Variants in MARK2 observed in about 807,000 individuals in gnomAD.
The protein encoded by MARK2 is serine/threonine-protein kinase MARK2.
MARK2 carries 16 observed loss-of-function variants against 89.8 expected under a neutral mutation model. The observed-to-expected ratio is 0.18, with a 90% CI of 0.12 to 0.27. The LOEUF is 0.27. Ranked by LOEUF, MARK2 falls within the 10% of genes least tolerant of loss-of-function variation. MARK2 has a pLI of 1.00. For missense variants in MARK2, 621 were observed against 1,049.9 expected, an observed-to-expected ratio of 0.59 and a Z score of 5.65; for synonymous variants, 382 against 399.5, an observed-to-expected ratio of 0.96 and a Z score of 0.52.
At chr11:63,886,455 C>CA (rs1939403260) in intron 1 of MARK2, among the ~76,000 whole-genome samples, 1 of 150,588 alleles carries the variant, frequency 6.6e-6, no homozygotes, top group South Asian at 2.1e-4. Context: ...GACAGAGTCT[C>CA]ACTCTGTTGC....
At chr11:63,890,287 G>C (rs1286484050) in intron 1 of MARK2, 3 of 1,344,590 alleles carry the variant, frequency 2.2e-6, no homozygotes, top group Non-Finnish European at 2.9e-6. Flanking sequence ...TAGAAGAAGG[G>C]GTGCAGGGGT....
At position 63,904,840 on chromosome 11, in the gene MARK2, C is replaced by T; in HGVS notation, c.1731C>T (p.Ser577=). ...VASPSAHNIS[S]SGGAPDRTNF... Reference sequence around the variant, plus strand: ...CCCCATCCGCCCACAACATCAGCAGCAGTGGTGGAGCCCCAGACCGAACTA... The same window carrying T: ...CCCCATCCGCCCACAACATCAGCAGTAGTGGTGGAGCCCCAGACCGAACTA... The change falls in exon 16 of 19, where the codon AGC becomes AGT. Residue 577 remains serine (S), a synonymous_variant. Transcript: ENST00000402010. The surrounding 1 kb of genome is among the most constrained non-coding windows in gnomAD (Gnocchi z 6.3). 1.2e-6 allele frequency: 2 copies of T among 1,614,148 alleles called. No homozygotes were observed. Among genetic ancestry groups the T allele is most frequent in the South Asian group, 1.1e-5 (1 of 91,088 alleles).
Position 63,900,125 on chromosome 11 carries a change from A to G in MARK2, c.768+15A>G, listed in dbSNP as rs1490515806. The G allele has an allele frequency of 1.9e-6, 3 of 1,577,046 alleles. No individual in the cohort carries two copies. In the South Asian group the frequency reaches 3.3e-5, roughly 17 times the overall value. ...AGAACCTCAAGGTGGAGTGAAGTGC[A>G]AGCTTTTTATTGCTTCTCATTTCCT... On this transcript the variant is annotated intron_variant, in intron 8 of 18. Transcript: ENST00000402010. The surrounding 1 kb of genome is among the most constrained non-coding windows in gnomAD (Gnocchi z 4.7).
At chr11:63,859,106 C>T (rs1465744285) in intron 1 of MARK2, among the ~76,000 whole-genome samples, 3 of 151,420 alleles carry the variant, frequency 2.0e-5, no homozygotes, top group Admixed American at 6.6e-5. Flanking sequence ...TATATGTTGG[C>T]TATTGGTCAG....
chr11:63,861,769 C>T (rs376383352), intron 1 of MARK2, among the ~76,000 whole-genome samples: 6 of 131,590 alleles, frequency 4.6e-5, no homozygotes, highest in Non-Finnish European at 7.9e-5. Flanking sequence ...GAGACAGAGT[C>T]TCGCTCTTGT....
rs925531904 is a variant in MARK2, at chr11:63,839,375, C to T, written c.-132C>T. On this transcript the variant is annotated 5_prime_UTR_variant, in exon 1 of 19. Transcript: ENST00000402010. ...GCTGGCGTGAGCGGCTGCCCGGCCT[C>T]CCCGCACCCCCGGCCGGGGCCCATG... 3.5e-6 allele frequency: 2 copies of T among 578,536 alleles called. No individual in the cohort carries two copies. Among genetic ancestry groups the T allele is most frequent in the African/African-American group, 4.0e-5 (2 of 49,788 alleles). The allele number at this position is 578,536 out of a possible 1,614,324, so 35.8% of individuals were successfully genotyped here. A position where few individuals can be genotyped will look rare whatever the true frequency, so the allele number is the denominator to read the frequency against.
chr11:63,843,127 G>T lies in MARK2; in HGVS notation c.54+3567G>T, dbSNP rs566109372. Among the ~76,000 whole-genome samples the T allele has an allele frequency of 5.9e-5, 9 of 152,290 alleles. No homozygotes were observed. The East Asian group carries it at 1.7e-3, about 29-fold the overall frequency. ...TGCAGAAGGAGGGTTCTAATCTGGG[G>T]CTCGTAGCTTGGGGGATTCTTAGTT... On this transcript the variant is annotated intron_variant, in intron 1 of 18. Transcript: ENST00000402010.
intron 1 of MARK2, among the ~76,000 whole-genome samples, chr11:63,870,195 A>G (rs1440659734): frequency 6.6e-6 from 1 of 152,218 alleles, no homozygotes; most frequent in African/African-American, 2.4e-5. Flanking sequence ...GCCGGAGACT[A>G]TGCCCATAGA....
intron 1 of MARK2, among the ~76,000 whole-genome samples, chr11:63,853,215 A>G (rs778681985): frequency 6.6e-6 from 1 of 152,018 alleles, no homozygotes; most frequent in Non-Finnish European, 1.5e-5. Context: ...CCTGGCCAAC[A>G]TGGTGAAACT....
At chr11:63,888,274 G>T (rs1028060635) in intron 1 of MARK2, among the ~76,000 whole-genome samples, 1 of 152,136 alleles carries the variant, frequency 6.6e-6, no homozygotes, top group Non-Finnish European at 1.5e-5. Context: ...CTTTGGCAGG[G>T]CCGCCACTCT....
rs1471932878 is a variant in MARK2 at position 63,903,195 on chromosome 11, G to A, written c.1514+37G>A. The A allele has an allele frequency of 6.7e-7, 1 of 1,487,338 alleles. No homozygotes were observed. The highest frequency in any genetic ancestry group is 1.1e-5 in the South Asian group (1 of 88,484). 92.1% of individuals were successfully genotyped at this position (1,487,338 alleles called of 1,614,324 possible). ...GGGCCCTGCCTGCCTCACTCCCTAGGAGCCATGTCTCACAGGGTGATGTCT... is the reference window on the plus strand; with the variant it reads ...GGGCCCTGCCTGCCTCACTCCCTAGAAGCCATGTCTCACAGGGTGATGTCT... On this transcript the variant is annotated intron_variant, in intron 14 of 18. Coordinates refer to ENST00000402010, the MANE Select transcript of MARK2 (RefSeq NM_001039469.3). This position sits in a 1 kb window ranked among gnomAD's most constrained non-coding sequence, Gnocchi z 5.1.
Position 63,902,519 on chromosome 11 carries a change from C to A in MARK2, c.1235-82C>A. Reference sequence around the variant, plus strand: ...GGGGGCTTGCTGGGTTGTTGGCCAGCCCTGTAGGAAATGAGCATGCGTGGG... The same window carrying A: ...GGGGGCTTGCTGGGTTGTTGGCCAGACCTGTAGGAAATGAGCATGCGTGGG... On this transcript the variant is annotated intron_variant, in intron 12 of 18. Transcript: ENST00000402010. The surrounding 1 kb of genome is among the most constrained non-coding windows in gnomAD (Gnocchi z 4.2). 6.9e-7 allele frequency: 1 copy of A among 1,455,842 alleles called. No individual in the cohort carries two copies. The highest frequency in any genetic ancestry group is 1.3e-5 in the South Asian group (1 of 79,964). The allele number at this position is 1,455,842 out of a possible 1,614,324, so 90.2% of individuals were successfully genotyped here.
chr11:63,856,474 G>A (rs998655296), intron 1 of MARK2, among the ~76,000 whole-genome samples: 7 of 151,412 alleles, frequency 4.6e-5, no homozygotes, highest in Admixed American at 4.6e-4. Context: ...CCAGGCTGGA[G>A]TGCAGTGGCG....
At chr11:63,897,136 A>G (rs1940476241) in intron 3 of MARK2, among the ~76,000 whole-genome samples, 1 of 152,200 alleles carries the variant, frequency 6.6e-6, no homozygotes, top group African/African-American at 2.4e-5. Flanking sequence ...GAAAACCCCA[A>G]GTTCTCCCAG....
intron 1 of MARK2, among the ~76,000 whole-genome samples, chr11:63,863,269 T>C (rs555331147): frequency 2.0e-5 from 3 of 152,320 alleles, no homozygotes; most frequent in African/African-American, 4.8e-5. Context: ...CATCTAGATA[T>C]TCTAGACATC....
At chr11:63,839,674 T>A in intron 1 of MARK2, 114 bp downstream of exon 1, 1 of 709,948 alleles carries the variant, frequency 1.4e-6, no homozygotes, top group East Asian at 3.1e-5. Flanking sequence ...AAGCCTCGGC[T>A]GCCCTGTCAT....
intron 1 of MARK2, among the ~76,000 whole-genome samples, chr11:63,860,686 G>T (rs535744882): frequency 6.6e-6 from 1 of 150,906 alleles, no homozygotes; most frequent in African/African-American, 2.4e-5. Flanking sequence ...GTGAAACCCC[G>T]TCTCTACTTA....
chr11:63,888,243 T>C (rs1939521182), intron 1 of MARK2, among the ~76,000 whole-genome samples: 3 of 152,196 alleles, frequency 2.0e-5, no homozygotes, highest in African/African-American at 7.2e-5. Context: ...CACTTCGTTC[T>C]TGAGGGGGTG....
At chr11:63,871,558 T>A (rs1591018262) in intron 1 of MARK2, among the ~76,000 whole-genome samples, 3 of 146,434 alleles carry the variant, frequency 2.0e-5, no homozygotes, top group African/African-American at 7.6e-5. Context: ...GAGTATTCAC[T>A]GTGTGCAGGT....
Sources: gnomAD v4.1 joint callset for allele counts (sites outside exome capture counted in the v4.1 genomes callset) on GRCh38, gnomAD v4.1.1 for gene constraint, Gnocchi (gnomAD v3.1) non-coding constraint, MANE v1.5 for transcripts, NCBI Gene and HGNC (gene_info 2026-07-23, HGNC 2026-07-21) for gene names.